STARD13: variants seen among roughly 807,000 people sequenced by gnomAD.
STARD13 encodes StAR related lipid transfer domain containing 13, also known as stAR-related lipid transfer protein 13.
STARD13 carries 62 observed loss-of-function variants against 106.4 expected under a neutral mutation model. The ratio of observed to expected loss-of-function variants is 0.58; its 90% CI spans 0.48 to 0.72. The LOEUF is 0.72. Among genes scored for constraint, STARD13 ranks in the 30% least tolerant of loss-of-function variants. The pLI is 0.00. For missense variants in STARD13, 1,387 were observed against 1,424.0 expected (o/e 0.97, Z 0.42); for synonymous variants, 565 against 553.0 (o/e 1.02, Z -0.31).
chr13:33,114,264 T>G (rs1273866906), intron 8 of STARD13, among the ~76,000 whole-genome samples: 3 of 152,178 alleles, frequency 2.0e-5, no homozygotes, highest in African/African-American at 7.2e-5. Context: ...TGTGACCTTC[T>G]GAGGGGGTCC....
chr13:33,584,968 G>T, the STARD13 span, among the ~76,000 whole-genome samples: 2 of 152,100 alleles, frequency 1.3e-5, no homozygotes, highest in African/African-American at 4.8e-5. Flanking sequence ...CCAAGCAGAT[G>T]CCAGCATCAG....
intron 1 of STARD13, among the ~76,000 whole-genome samples, chr13:33,312,181 G>C (rs561586450): frequency 7.7e-4 from 118 of 152,286 alleles, no homozygotes; most frequent in African/African-American, 2.8e-3. Context: ...GGTTTCATTT[G>C]CTTTGACTAT....
the STARD13 span, among the ~76,000 whole-genome samples, chr13:33,515,064 G>A: frequency 6.6e-6 from 1 of 152,154 alleles, no homozygotes; most frequent in Non-Finnish European, 1.5e-5. Flanking sequence ...AAAGGCCAGA[G>A]TACTAGAGGC....
chr13:33,237,793 A>G (rs909124842), intron 1 of STARD13, among the ~76,000 whole-genome samples: 1 of 152,222 alleles, frequency 6.6e-6, no homozygotes, highest in Non-Finnish European at 1.5e-5. Context: ...CCTTTAAACT[A>G]TACCAATTGG....
chr13:33,594,943 G>C, the STARD13 span, among the ~76,000 whole-genome samples: 2 of 152,184 alleles, frequency 1.3e-5, no homozygotes, highest in East Asian at 1.9e-4. Flanking sequence ...CTACCATTTG[G>C]CTATTGTGAA....
chr13:33,624,900 G>T, the STARD13 span, among the ~76,000 whole-genome samples: 1 of 152,196 alleles, frequency 6.6e-6, no homozygotes, highest in African/African-American at 2.4e-5. Context: ...TGCTCAAGGA[G>T]TCAGTGCCTA....
At chr13:33,665,638 T>C in the STARD13 span, among the ~76,000 whole-genome samples, 1 of 152,226 alleles carries the variant, frequency 6.6e-6, no homozygotes, top group South Asian at 2.1e-4. Context: ...TCAAGGATAA[T>C]TTTTTCTCTT....
intron 1 of STARD13, among the ~76,000 whole-genome samples, chr13:33,350,123 CG>C (rs1464431807): frequency 1.3e-5 from 2 of 152,050 alleles, no homozygotes; most frequent in African/African-American, 2.4e-5. Context: ...GGAGGGCGCT[CG>C]GGGCCCGGCC....
chr13:33,465,357 C>A, the STARD13 span, among the ~76,000 whole-genome samples: 2 of 151,984 alleles, frequency 1.3e-5, no homozygotes, highest in Non-Finnish European at 2.9e-5. Flanking sequence ...AGGTGCCCGC[C>A]ACCACGCCCG....
chr13:33,111,453 T>C (rs1426085122), intron 10 of STARD13, among the ~76,000 whole-genome samples: 1 of 152,206 alleles, frequency 6.6e-6, no homozygotes, highest in Non-Finnish European at 1.5e-5. Flanking sequence ...ATACACACAC[T>C]CACACAGATG....
chr13:33,429,927 T>TGGG, the STARD13 span, among the ~76,000 whole-genome samples: 398 of 137,616 alleles, frequency 2.9e-3, 5 homozygotes, highest in African/African-American at 0.011. Flanking sequence ...ACTTTTTTTT[T>TGGG]GGGGGGGGGG....
intron 1 of STARD13, among the ~76,000 whole-genome samples, chr13:33,304,710 C>A: frequency 6.6e-6 from 1 of 151,962 alleles, no homozygotes; most frequent in South Asian, 2.1e-4. Context: ...TATATTGTAC[C>A]CCCACGAGAC....
Position 33,350,459 on chromosome 13 carries a change from C to A in STARD13, c.-46G>T, listed in dbSNP as rs1187017521. On this transcript the variant is annotated 5_prime_UTR_variant, in exon 1 of 2. Coordinates refer to the STARD13 transcript ENST00000439831. ...GACCGGCGGGCTCTCCACCGCCACT[C>A]CCGCGTGGCCCGCGACTCAGACTCC... The A allele has an allele frequency of 3.3e-6, 5 of 1,502,920 alleles. No homozygotes were observed. The Admixed American group carries it at 1.0e-4, about 31-fold the overall frequency. 93.1% of individuals were successfully genotyped at this position (1,502,920 alleles called of 1,614,324 possible). A position where few individuals can be genotyped will look rare whatever the true frequency, so the allele number is the denominator to read the frequency against.
intron 1 of STARD13, among the ~76,000 whole-genome samples, chr13:33,318,355 G>A (rs971397821): frequency 2.0e-5 from 3 of 152,072 alleles, no homozygotes; most frequent in South Asian, 2.1e-4. Context: ...TTCAGCAAAC[G>A]GTTTTGGGGC....
chr13:33,398,305 C>T, the STARD13 span, among the ~76,000 whole-genome samples: 2 of 152,162 alleles, frequency 1.3e-5, no homozygotes, highest in African/African-American at 4.8e-5. Flanking sequence ...ATTCTTGACA[C>T]TACCTTACAA....
the STARD13 span, among the ~76,000 whole-genome samples, chr13:33,366,979 T>C: frequency 6.6e-6 from 1 of 152,208 alleles, no homozygotes; most frequent in Non-Finnish European, 1.5e-5. The surrounding 1 kb of genome is among the most constrained non-coding windows in gnomAD (Gnocchi z 4.2). Flanking sequence ...TTTTGAGTCA[T>C]ATGACAGGAG....
chr13:33,109,079 T>C (rs187783323), intron 12 of STARD13, among the ~76,000 whole-genome samples: 198 of 152,320 alleles, frequency 1.3e-3, no homozygotes, highest in African/African-American at 4.5e-3. Flanking sequence ...GTTTTAAATA[T>C]ACATTTGGGA....
the STARD13 span, among the ~76,000 whole-genome samples, chr13:33,372,932 T>C: frequency 6.6e-6 from 1 of 152,146 alleles, no homozygotes; most frequent in African/African-American, 2.4e-5. Context: ...TGAATTTGAT[T>C]ACATTAAGAC....
chr13:33,378,309 T>C, the STARD13 span, among the ~76,000 whole-genome samples: 1 of 152,100 alleles, frequency 6.6e-6, no homozygotes, highest in Non-Finnish European at 1.5e-5. Context: ...ACCCCAAACA[T>C]ACCAAATGCT....
Sources: allele counts gnomAD v4.1 joint callset (sites outside exome capture counted in the v4.1 genomes callset), GRCh38; gene constraint gnomAD v4.1.1; non-coding constraint Gnocchi (gnomAD v3.1); transcripts MANE v1.5; gene names NCBI Gene and HGNC (gene_info 2026-07-23, HGNC 2026-07-21).